Variants in EPCAM observed in about 807,000 individuals in gnomAD.
EPCAM encodes the protein epithelial cell adhesion molecule.
EPCAM carries 39 observed loss-of-function variants against 40.0 expected under a neutral mutation model. The ratio of observed to expected loss-of-function variants is 0.98; its 90% CI spans 0.76 to 1.27. EPCAM has a LOEUF of 1.27. Ranked by LOEUF, EPCAM falls within the 50% of genes most tolerant of loss-of-function variation. EPCAM has a pLI of 0.00. For synonymous variants in EPCAM, 168 were observed against 132.3 expected, an observed-to-expected ratio of 1.27 and a Z score of -1.85; for missense variants, 503 against 381.2, an observed-to-expected ratio of 1.32 and a Z score of -2.66.
At position 47,375,279 on chromosome 2, in the gene EPCAM, T is replaced by A. The variant is rs780325677; in HGVS notation, c.471T>A (p.Tyr157Ter). ...AACACAAAGCAAGAGAAAAACCTTATGATAGTAAAAGTTTGCGGACGTAAG... is the reference window on the plus strand; with the variant it reads ...AACACAAAGCAAGAGAAAAACCTTAAGATAGTAAAAGTTTGCGGACGTAAG... Reference protein sequence around the residue: ...ELKHKAREKPYDSKSLRTALQ... With the variant: ...ELKHKAREKP The change falls in exon 4 of 9, where the codon TAT (tyrosine) becomes TAA (stop). Residue 157 changes from tyrosine (Y) to a stop codon, truncating the protein, a stop_gained. Coordinates refer to ENST00000263735, the MANE Select transcript of EPCAM (RefSeq NM_002354.3). LOFTEE classifies it high-confidence loss of function. 2 of 1,612,386 alleles carry A rather than the reference T, an allele frequency of 1.2e-6. No homozygotes were observed. Among genetic ancestry groups the A allele is most frequent in the East Asian group, 2.2e-5 (1 of 44,840 alleles).
At chr2:47,386,416 A>G (rs1671743513) in intron 8 of EPCAM, among the ~76,000 whole-genome samples, 156 bp from the exon 9 acceptor site, 1 of 152,194 alleles carries the variant, frequency 6.6e-6, no homozygotes, top group East Asian at 1.9e-4. Context: ...TCCTTGCAAT[A>G]TAACTTTTTC....
Position 47,369,325 on chromosome 2 carries a change from C to A in EPCAM, c.-181C>A. ...CCGCCGCGCGCACAGAGCGCTAGTC[C>A]TTCGGCGAGCGAGCACCTTCGACGC... On this transcript the variant is annotated 5_prime_UTR_variant, in exon 1 of 9. Coordinates refer to ENST00000263735, the MANE Select transcript of EPCAM (RefSeq NM_002354.3). The A allele has an allele frequency of 7.5e-7, 1 of 1,331,796 alleles. No homozygotes were observed. Among genetic ancestry groups the A allele is most frequent in the Non-Finnish European group, 9.8e-7 (1 of 1,021,818 alleles). 82.5% of individuals were successfully genotyped at this position (1,331,796 alleles called of 1,614,324 possible).
chr2:47,370,150 G>A (rs749876148), intron 1 of EPCAM, among the ~76,000 whole-genome samples: 10 of 152,250 alleles, frequency 6.6e-5, no homozygotes, highest in Non-Finnish European at 1.5e-4. Context: ...AGGATCATAT[G>A]AGTAATGCCA....
chr2:47,386,503 C>T (rs2103770585), intron 8 of EPCAM, 69 bp from the exon 9 acceptor site: 1 of 1,164,942 alleles, frequency 8.6e-7, no homozygotes, highest in South Asian at 1.4e-5. Flanking sequence ...TTATTTAATA[C>T]TATTTTCAGA....
In EPCAM at chr2:47,379,933, T is replaced by C. The variant is rs753520097; in HGVS notation, c.822T>C (p.Val274=). 6.2e-7 allele frequency: 1 copy of C among 1,613,934 alleles called. No individual in the cohort carries two copies. The highest frequency in any genetic ancestry group is 8.5e-7 in the Non-Finnish European group (1 of 1,179,894). ...LKAGVIAVIV[V]VVIAVVAGIV... is the part of the protein sequence containing the mutation. ...CTGGTGTTATTGCTGTTATTGTGGTTGTGGTGATAGCAGTTGTTGCTGGAA... is the reference window on the plus strand; with the variant it reads ...CTGGTGTTATTGCTGTTATTGTGGTCGTGGTGATAGCAGTTGTTGCTGGAA... The change falls in exon 7 of 9, where the codon GTT becomes GTC. Residue 274 remains valine, a synonymous_variant. Transcript: ENST00000263735.
intron 1 of EPCAM, among the ~76,000 whole-genome samples, chr2:47,371,779 T>A (rs981694659): frequency 6.6e-6 from 1 of 152,176 alleles, no homozygotes; most frequent in Non-Finnish European, 1.5e-5. Context: ...TATTTTCCCC[T>A]TTTGTGACCC....
At chr2:47,370,841 G>C (rs1671243200) in intron 1 of EPCAM, among the ~76,000 whole-genome samples, 1 of 151,822 alleles carries the variant, frequency 6.6e-6, no homozygotes, top group African/African-American at 2.4e-5. Flanking sequence ...TCAGCCTCCC[G>C]AGTAGCTGGG....
chr2:47,370,063 C>A (rs944710555), intron 1 of EPCAM, among the ~76,000 whole-genome samples: 43 of 152,324 alleles, frequency 2.8e-4, no homozygotes, highest in African/African-American at 9.9e-4. Context: ...CGCAGGGAGG[C>A]CTCCAGGGCC....
intron 8 of EPCAM, among the ~76,000 whole-genome samples, chr2:47,385,586 A>C (rs533420655): frequency 1.4e-4 from 21 of 152,274 alleles, no homozygotes; most frequent in African/African-American, 5.1e-4. Flanking sequence ...ATATGAACTT[A>C]ATTTGTCATA....
At chr2:47,374,964 G>T (rs537897044) in intron 3 of EPCAM, among the ~76,000 whole-genome samples, 1 of 152,144 alleles carries the variant, frequency 6.6e-6, no homozygotes, top group South Asian at 2.1e-4. Flanking sequence ...CTTTTTAGTT[G>T]AACAGGGCAT....
chr2:47,382,402 T>C (rs1671617499), intron 7 of EPCAM, among the ~76,000 whole-genome samples: 1 of 152,212 alleles, frequency 6.6e-6, no homozygotes, highest in African/African-American at 2.4e-5. Context: ...TAAAGGTGAA[T>C]CTGGCCAGGC....
chr2:47,386,248 A>T (rs1000451548), intron 8 of EPCAM, among the ~76,000 whole-genome samples: 4 of 152,208 alleles, frequency 2.6e-5, no homozygotes. Context: ...AAAATGAAAG[A>T]TTGATAATAG....
At chr2:47,373,212 A>AAAAC (rs1671323138) in intron 1 of EPCAM, among the ~76,000 whole-genome samples, 1 of 141,058 alleles carries the variant, frequency 7.1e-6, no homozygotes, top group Non-Finnish European at 1.5e-5. Context: ...CTTTAAAAAA[A>AAAAC]AAAAAAAAAA....
chr2:47,377,532 C>T (rs1184554724), intron 5 of EPCAM: 7 of 240,936 alleles, frequency 2.9e-5, no homozygotes, highest in African/African-American at 7.0e-5. Flanking sequence ...CCACCACGCC[C>T]GGCCCATTGT....
Position 47,373,855 on chromosome 2 carries a change from C to G in EPCAM, c.232C>G (p.Leu78Val), listed in dbSNP as rs587780763. 105 of 1,613,822 alleles carry G rather than the reference C, an allele frequency of 6.5e-5. 1 individual carries two copies. The highest frequency in any genetic ancestry group is 5.3e-4 in the East Asian group (24 of 44,888). ...GAAGGCAGAAATGAATGGCTCAAAACTTGGGAGAAGAGCAAAACCTGAAGG... is the reference window on the plus strand; with the variant it reads ...GAAGGCAGAAATGAATGGCTCAAAAGTTGGGAGAAGAGCAAAACCTGAAGG... Reference protein sequence around the residue: ...VMKAEMNGSKLGRRAKPEGAL... With the variant: ...VMKAEMNGSKVGRRAKPEGAL... Residue 78 changes from leucine to valine, a missense_variant, in exon 3 of 9, where the codon CTT becomes GTT. Coordinates refer to ENST00000263735, the MANE Select transcript of EPCAM (RefSeq NM_002354.3).
At position 47,374,364 on chromosome 2, in the gene EPCAM, A is replaced by G. The variant is rs536824897; in HGVS notation, c.425+316A>G. 2.4e-4 allele frequency among the ~76,000 whole-genome samples: 36 copies of G among 152,212 alleles called. No homozygotes were observed. The South Asian group carries it at 3.3e-3, about 14-fold the overall frequency. On this transcript the variant is annotated intron_variant, in intron 3 of 8. Transcript: ENST00000263735. ...TTTACTTAACATTATTCAGTATTTCATTGTTGCATTAGTAGTAAATGTATG... is the reference window on the plus strand; with the variant it reads ...TTTACTTAACATTATTCAGTATTTCGTTGTTGCATTAGTAGTAAATGTATG...
At chr2:47,371,511 G>A (rs1414387394) in intron 1 of EPCAM, among the ~76,000 whole-genome samples, 2 of 152,214 alleles carry the variant, frequency 1.3e-5, no homozygotes, top group Non-Finnish European at 2.9e-5. Flanking sequence ...TTTCACCAAT[G>A]GAGTGGCCTA....
chr2:47,385,458 A>G (rs748576657), intron 8 of EPCAM, among the ~76,000 whole-genome samples: 1 of 152,230 alleles, frequency 6.6e-6, no homozygotes, highest in African/African-American at 2.4e-5. Context: ...TTTATTCTAC[A>G]AAGAGTCAAC....
chr2:47,385,580 G>T (rs1002607282), intron 8 of EPCAM, among the ~76,000 whole-genome samples: 1 of 152,124 alleles, frequency 6.6e-6, no homozygotes, highest in African/African-American at 2.4e-5. Context: ...CATTTAATAT[G>T]AACTTAATTT....
Sources: gnomAD v4.1 joint callset for allele counts (sites outside exome capture counted in the v4.1 genomes callset) on GRCh38, gnomAD v4.1.1 for gene constraint, MANE v1.5 for transcripts, NCBI Gene and HGNC (gene_info 2026-07-23, HGNC 2026-07-21) for gene names.